ARL8B: variants seen among roughly 807,000 people sequenced by gnomAD.
The protein encoded by ARL8B is ADP-ribosylation factor-like protein 8B.
Under a neutral mutation model 30.6 loss-of-function variants are expected in ARL8B, and 9 were observed. The ratio of observed to expected loss-of-function variants is 0.29; its 90% CI spans 0.18 to 0.51. The LOEUF (loss-of-function observed/expected upper bound fraction) is 0.51, where lower values mean the gene tolerates loss of function less well. Among genes scored for constraint, ARL8B ranks in the 20% least tolerant of loss-of-function variants. ARL8B has a pLI of 0.97. For synonymous variants in ARL8B, 74 were observed against 76.0 expected (o/e 0.97, Z 0.14); for missense variants, 130 against 227.2 (o/e 0.57, Z 2.75).
chr3:5,123,845 G>T (rs1391147501), intron 1 of ARL8B, among the ~76,000 whole-genome samples: 1 of 152,168 alleles, frequency 6.6e-6, no homozygotes, highest in Non-Finnish European at 1.5e-5. Flanking sequence ...TTACCTGCTT[G>T]TTGTTCGGCT....
intron 1 of ARL8B, among the ~76,000 whole-genome samples, chr3:5,155,165 G>A (rs1054423299): frequency 6.6e-6 from 1 of 152,050 alleles, no homozygotes; most frequent in South Asian, 2.1e-4. Flanking sequence ...TCTGAAGGAC[G>A]TTTTAGCTGA....
At chr3:5,129,224 G>A (rs1470929618) in intron 1 of ARL8B, among the ~76,000 whole-genome samples, 1 of 151,948 alleles carries the variant, frequency 6.6e-6, no homozygotes, top group Non-Finnish European at 1.5e-5. Context: ...GCCCAGGCTG[G>A]AGTGCAGTGG....
chr3:5,174,205 G>C, intron 5 of ARL8B, 121 bp downstream of exon 5: 1 of 1,118,616 alleles, frequency 8.9e-7, no homozygotes, highest in Non-Finnish European at 1.3e-6. Flanking sequence ...TGGCCTATCA[G>C]AGAAGTGAAT....
chr3:5,149,548 G>A (rs2054460929), intron 1 of ARL8B, among the ~76,000 whole-genome samples: 1 of 152,204 alleles, frequency 6.6e-6, no homozygotes, highest in Non-Finnish European at 1.5e-5. Flanking sequence ...TTCTTCATTG[G>A]TTGAGTACTG....
At chr3:5,169,064 G>C (rs911355887) in intron 1 of ARL8B, among the ~76,000 whole-genome samples, 2 of 152,100 alleles carry the variant, frequency 1.3e-5, no homozygotes, top group Non-Finnish European at 2.9e-5. Context: ...CTCCCTGTAT[G>C]ATGACTAGTT....
Position 5,139,925 on chromosome 3 carries a change from T to C in ARL8B, c.123+17337T>C, listed in dbSNP as rs553145319. 6.6e-5 allele frequency among the ~76,000 whole-genome samples: 10 copies of C among 152,100 alleles called. 1 individual carries two copies. The highest frequency in any genetic ancestry group is 5.9e-4 in the Admixed American group (9 of 15,274). ...GCAGGGCTCATAGGTCTTTCTGTTA[T>C]GTTCTTTCAGGGGTAGCAATGGTCA... On this transcript the variant is annotated intron_variant, in intron 1 of 6. Coordinates refer to ENST00000256496, the MANE Select transcript of ARL8B (RefSeq NM_018184.3).
intron 4 of ARL8B, among the ~76,000 whole-genome samples, chr3:5,173,531 T>C (rs2054697106): frequency 6.6e-6 from 1 of 152,096 alleles, no homozygotes; most frequent in Admixed American, 6.5e-5. Context: ...GGTCAGGAGA[T>C]CGAGACCATC....
In ARL8B at chr3:5,169,558, G is replaced by GT. The variant is rs1391526998; in HGVS notation, c.124-937dup. Among the ~76,000 whole-genome samples, 815 of 123,126 alleles carry GT rather than the reference G, an allele frequency of 6.6e-3. 13 individuals are homozygous for GT. The highest frequency in any genetic ancestry group is 0.034 in the Admixed American group (434 of 12,862). 80.8% of individuals were successfully genotyped at this position (123,126 alleles called of 152,430 possible). On this transcript the variant is annotated intron_variant, in intron 1 of 6. Transcript: ENST00000256496. ...CTCTGCATTCTTTCCAGTGCTTTCT[G>GT]TTTTTTTTCTTTTCCTCTTAATAGT... is the stretch of plus-strand genomic sequence containing the variant.
intron 1 of ARL8B, among the ~76,000 whole-genome samples, chr3:5,165,668 G>A (rs77010126): frequency 0.011 from 1,608 of 151,870 alleles, 24 homozygotes; most frequent in African/African-American, 0.037. Context: ...ATTCTTAGAG[G>A]AAAAAAACCA....
At chr3:5,123,549 A>G (rs1270255934) in intron 1 of ARL8B, among the ~76,000 whole-genome samples, 2 of 152,190 alleles carry the variant, frequency 1.3e-5, no homozygotes, top group Non-Finnish European at 2.9e-5. Context: ...ACTCAGTTTT[A>G]GCTGGTAGTG....
At chr3:5,170,770 C>T (rs939172227) in intron 2 of ARL8B, 187 bp downstream of exon 2, 21 of 492,122 alleles carry the variant, frequency 4.3e-5, no homozygotes, top group South Asian at 4.7e-5. Context: ...TTTGCTCTTT[C>T]ACCCAGGCTG....
intron 1 of ARL8B, among the ~76,000 whole-genome samples, chr3:5,138,224 G>C (rs2054344389): frequency 6.7e-6 from 1 of 148,680 alleles, no homozygotes. Context: ...TAGAAGACTA[G>C]CAGAGCATCT....
chr3:5,139,480 T>C (rs1405809462), intron 1 of ARL8B, among the ~76,000 whole-genome samples: 1 of 152,208 alleles, frequency 6.6e-6, no homozygotes, highest in Non-Finnish European at 1.5e-5. Context: ...CCTGGCATTA[T>C]ATGCTATAAT....
intron 1 of ARL8B, among the ~76,000 whole-genome samples, chr3:5,155,178 A>G (rs967433308): frequency 1.3e-5 from 2 of 152,212 alleles, no homozygotes; most frequent in African/African-American, 2.4e-5. Flanking sequence ...TTAGCTGAAA[A>G]TAGGATTCTC....
chr3:5,150,282 G>T (rs1337989456), intron 1 of ARL8B, among the ~76,000 whole-genome samples: 1 of 151,926 alleles, frequency 6.6e-6, no homozygotes, highest in Admixed American at 6.6e-5. Context: ...GACTAACATG[G>T]TGAAACCCCA....
chr3:5,165,752 T>C (rs1428540408), intron 1 of ARL8B, among the ~76,000 whole-genome samples: 1 of 152,212 alleles, frequency 6.6e-6, no homozygotes, highest in Non-Finnish European at 1.5e-5. Flanking sequence ...ACCGCTGCTA[T>C]AGATGGACAG....
At chr3:5,165,866 G>A (rs182187808) in intron 1 of ARL8B, among the ~76,000 whole-genome samples, 79 of 152,124 alleles carry the variant, frequency 5.2e-4, no homozygotes, top group Non-Finnish European at 9.7e-4. Context: ...AATCCATTTA[G>A]TACTACTCTA....
chr3:5,158,707 C>T lies in ARL8B; in HGVS notation c.124-11796C>T, dbSNP rs185870719. 4.6e-5 allele frequency among the ~76,000 whole-genome samples: 7 copies of T among 152,196 alleles called. No homozygotes were observed. In the East Asian group the frequency reaches 1.4e-3, roughly 29 times the overall value. On this transcript the variant is annotated intron_variant, in intron 1 of 6. Transcript: ENST00000256496. ...ATGAACAGGGTCTCTTAGAGTAATT[C>T]GAGAGCCACTGAAACTCTTTATGTT...
intron 6 of ARL8B, among the ~76,000 whole-genome samples, chr3:5,178,149 C>G (rs769449480): frequency 6.6e-6 from 1 of 152,226 alleles, no homozygotes; most frequent in Non-Finnish European, 1.5e-5. Context: ...ACAGCCTCCT[C>G]TCCCATCCCT....
Sources: gnomAD v4.1 joint callset for allele counts (sites outside exome capture counted in the v4.1 genomes callset) on GRCh38, gnomAD v4.1.1 for gene constraint, MANE v1.5 for transcripts, NCBI Gene and HGNC (gene_info 2026-07-23, HGNC 2026-07-21) for gene names.